MEFV: variants seen among roughly 807,000 people sequenced by gnomAD.
MEFV encodes pyrin.
MEFV carries 60 observed loss-of-function variants against 62.5 expected under a neutral mutation model. That is an observed-to-expected ratio of 0.96 (90% confidence interval 0.78 to 1.19). The LOEUF is 1.19. Ranked by LOEUF, MEFV falls within the 50% of genes most tolerant of loss-of-function variation. MEFV has a pLI of 0.00. For missense variants in MEFV, 1,169 were observed against 1,004.5 expected (o/e 1.16, Z -2.21); for synonymous variants, 500 against 415.2 (o/e 1.20, Z -2.48).
intron 3 of MEFV, 46 bp from the exon 4 acceptor site, chr16:3,249,050 A>G (rs1257730708): frequency 6.3e-7 from 1 of 1,587,046 alleles, no homozygotes; most frequent in Non-Finnish European, 8.6e-7. Context: ...GGCTCCTGCC[A>G]TCTTTAGCTG....
chr16:3,248,716 A>G (rs534352582), intron 4 of MEFV, 193 bp downstream of exon 4: 1 of 984,592 alleles, frequency 1.0e-6, no homozygotes, highest in East Asian at 1.1e-4. Flanking sequence ...CTCAGAGGTG[A>G]CCCCTGCCTG....
At chr16:3,243,929 G>T (rs1567231875) in intron 8 of MEFV, 37 bp from the exon 9 acceptor site, 1 of 1,612,536 alleles carries the variant, frequency 6.2e-7, no homozygotes. Flanking sequence ...AAAATCCTGA[G>T]CATTAGCATT....
chr16:3,248,724 C>T (rs1444814686), intron 4 of MEFV, 185 bp downstream of exon 4: 96 of 985,202 alleles, frequency 9.7e-5, no homozygotes, highest in Non-Finnish European at 1.1e-4. Flanking sequence ...TGACCCCTGC[C>T]TGCTGGGGGT....
intron 3 of MEFV, 125 bp from the exon 4 acceptor site, chr16:3,249,129 G>T: frequency 1.0e-6 from 1 of 973,426 alleles, no homozygotes; most frequent in Non-Finnish European, 1.6e-6. Flanking sequence ...AGCGGCATGG[G>T]GAGGGGTGCT....
rs534371432 is a variant in MEFV, at chr16:3,252,272, C to CTT, written c.910+1884_910+1885dup. Among the ~76,000 whole-genome samples, 541 of 130,720 alleles carry CTT rather than the reference C, an allele frequency of 4.1e-3. 6 individuals are homozygous for CTT. Among genetic ancestry groups the CTT allele is most frequent in the African/African-American group, 0.014 (510 of 35,464 alleles). The allele number at this position is 130,720 out of a possible 152,430, so 85.8% of individuals were successfully genotyped here. A position where few individuals can be genotyped will look rare whatever the true frequency, so the allele number is the denominator to read the frequency against. ...CTCAGGGGTCCCTGGACTCCCAATT[C>CTT]TTTTTTTTTTTTTTTTTTGAGACAG... On this transcript the variant is annotated intron_variant, in intron 2 of 9. Transcript: ENST00000219596.
intron 4 of MEFV, chr16:3,247,503 C>T (rs530141287): frequency 1.9e-5 from 10 of 531,500 alleles, no homozygotes; most frequent in African/African-American, 1.1e-4. Flanking sequence ...AAAATTTACA[C>T]GTTGAAGCCC....
In MEFV at chr16:3,247,266, G is replaced by C; in HGVS notation, c.1357-20C>G. 1 of 1,610,788 alleles carries C rather than the reference G, an allele frequency of 6.2e-7. No homozygotes were observed. The highest frequency in any genetic ancestry group is 8.5e-7 in the Non-Finnish European group (1 of 1,177,614). ...TTGTTTCTGGGGAGCAGAGGACAGG[G>C]AGGTATGGGGGTCTGTGCTGTGGGT... On this transcript the variant is annotated intron_variant, in intron 4 of 9. Coordinates refer to ENST00000219596, the MANE Select transcript of MEFV (RefSeq NM_000243.3).
chr16:3,247,110 T>C lies in MEFV; in HGVS notation c.1493A>G (p.Tyr498Cys). 6.2e-7 allele frequency: 1 copy of C among 1,614,164 alleles called. No homozygotes were observed. Among genetic ancestry groups the C allele is most frequent in the Non-Finnish European group, 8.5e-7 (1 of 1,180,022 alleles). ...GQMVGQIRKA[Y>C]DTRVSQDIAL... is the part of the protein sequence containing the mutation. ...GATGTCCTGGGATACGCGGGTGTCATATGCCTTCCTGATCTGCCCAACCAT... is the reference window on the plus strand; with the variant it reads ...GATGTCCTGGGATACGCGGGTGTCACATGCCTTCCTGATCTGCCCAACCAT... The change falls in exon 5 of 10, where the codon TAT (tyrosine) becomes TGT (cysteine). Residue 498 changes from tyrosine to cysteine, a missense_variant. Tyr to Cys is a radical substitution (Grantham distance 194). Coordinates refer to ENST00000219596, the MANE Select transcript of MEFV (RefSeq NM_000243.3).
Position 3,243,460 on chromosome 16 carries a change from CT to C in MEFV, c.2026del (p.Arg676GlyfsTer5). ...TGGCGACAGAGTCATGTTCCCTTTC[CT>C]GCTTATGGATGTCTTGCAGGCTCCC... ...ILGACKTSIS[R>X]KGNMTLSPEN... On this transcript the variant is annotated frameshift_variant, in exon 10 of 10. Transcript: ENST00000219596. LOFTEE classifies it low-confidence loss of function (END_TRUNC). The C allele has an allele frequency of 6.2e-7, 1 of 1,614,166 alleles. No individual in the cohort carries two copies. Among genetic ancestry groups the C allele is most frequent in the Non-Finnish European group, 8.5e-7 (1 of 1,180,034 alleles).
intron 1 of MEFV, among the ~76,000 whole-genome samples, chr16:3,255,171 G>T (rs994463895): frequency 1.3e-5 from 2 of 152,092 alleles, no homozygotes; most frequent in Admixed American, 1.3e-4. Context: ...AAGAAACTCA[G>T]CCAGACGCGG....
At chr16:3,246,893 G>C in intron 5 of MEFV, 123 bp downstream of exon 5, 2 of 964,430 alleles carry the variant, frequency 2.1e-6, no homozygotes, top group East Asian at 5.1e-5. Flanking sequence ...CCAAGACCAA[G>C]TCCTATCCTA....
At position 3,254,414 on chromosome 16, in the gene MEFV, C is replaced by T; in HGVS notation, c.654G>A (p.Gly218=). ...SSAGRLQGLA[G]GAPGQKECRP... ...TGCACTCCTTCTGCCCCGGGGCGCC[C>T]CCCGCCAGCCCCTGCAGCCTCCCCG... Residue 218 remains glycine, a synonymous_variant, in exon 2 of 10, where the codon GGG becomes GGA. Transcript: ENST00000219596. 2 of 1,612,670 alleles carry T rather than the reference C, an allele frequency of 1.2e-6. No homozygotes were observed. Among genetic ancestry groups the T allele is most frequent in the South Asian group, 2.2e-5 (2 of 91,080 alleles).
In MEFV at chr16:3,249,725, T is replaced by G; in HGVS notation, c.966A>C (p.Pro322=). ...SPRCHAQEGD[P]VDGTCVRDSC... ...AATCACGCACACAGGTACCGTCAAC[T>G]GGGTCTCCTTCCTGGGCGTGGCAGC... The change falls in exon 3 of 10, where the codon CCA becomes CCC. Residue 322 remains proline, a synonymous_variant. Transcript: ENST00000219596. 6.2e-7 allele frequency: 1 copy of G among 1,614,066 alleles called. No homozygotes were observed. The highest frequency in any genetic ancestry group is 8.5e-7 in the Non-Finnish European group (1 of 1,179,948).
intron 8 of MEFV, 40 bp downstream of exon 8, chr16:3,244,211 GCAA>G (rs1958904940): frequency 6.2e-7 from 1 of 1,613,420 alleles, no homozygotes; most frequent in East Asian, 2.2e-5. Context: ...AGGGAACACT[GCAA>G]CAACCCCAGG....
rs745839954 is a variant in MEFV at position 3,254,494 on chromosome 16, T to C, written c.574A>G (p.Arg192Gly). ...TCGGCCTGGCCCCCCTCTAGCGCCC[T>C]GCAGGGGCCGGGGCTTCTCCCGCCC... ...LPGGRSPGPC[R>G]ALEGGQAEVR... is the part of the protein sequence containing the mutation. Residue 192 changes from arginine (R) to glycine (G), a missense_variant, in exon 2 of 10, where the codon AGG (arginine) becomes GGG (glycine). Arg to Gly is a moderately radical substitution (Grantham distance 125). Transcript: ENST00000219596. 3.2e-6 allele frequency: 5 copies of C among 1,579,316 alleles called. No homozygotes were observed. The African/African-American group carries it at 6.8e-5, about 21-fold the overall frequency.
rs757543348 is a variant in MEFV, at chr16:3,254,761, C to G, written c.307G>C (p.Asp103His). ...EYSTQENGTD[D>H]SAASSSLGEN... ...CCCAGGGAGCTGGACGCTGCGGAAT[C>G]ATCTGTGCCGTTTTCTTGTGTGGAA... The change falls in exon 2 of 10, where the codon GAT (aspartate) becomes CAT (histidine). Residue 103 changes from aspartate (D) to histidine (H), a missense_variant. Coordinates refer to ENST00000219596, the MANE Select transcript of MEFV (RefSeq NM_000243.3). 3.1e-6 allele frequency: 5 copies of G among 1,612,588 alleles called. No homozygotes were observed. Among genetic ancestry groups the G allele is most frequent in the Non-Finnish European group, 4.2e-6 (5 of 1,180,040 alleles).
At position 3,243,316 on chromosome 16, in the gene MEFV, T is replaced by C. The variant is rs772802970; in HGVS notation, c.2171A>G (p.Tyr724Cys). The C allele has an allele frequency of 2.5e-6, 4 of 1,614,208 alleles. No individual in the cohort carries two copies. The highest frequency in any genetic ancestry group is 2.2e-5 in the East Asian group (1 of 44,882). The part of the protein sequence containing the change: ...PPKRVGIFVD[Y>C]RVGSISFYNV... ...GTAAAAGGAGATGCTTCCAACTCTG[T>C]AGTCCACGAAGATGCCCACACGCTT... Residue 724 changes from tyrosine (Y) to cysteine (C), a missense_variant, in exon 10 of 10, where the codon TAC becomes TGC. Transcript: ENST00000219596.
chr16:3,243,845 G>C lies in MEFV; in HGVS notation c.1792+15C>G. ...CCAGCAGGCCAGGGCCACTTGCCTT[G>C]ATCTGGGCACTTACCAGCATGTGCC... On this transcript the variant is annotated intron_variant, in intron 9 of 9. Transcript: ENST00000219596. 1 of 1,613,644 alleles carries C rather than the reference G, an allele frequency of 6.2e-7. No individual in the cohort carries two copies. Among genetic ancestry groups the C allele is most frequent in the Non-Finnish European group, 8.5e-7 (1 of 1,179,788 alleles).
rs752420742 is a variant in MEFV, at chr16:3,243,326, A to G, written c.2161T>C (p.Phe721Leu). 4 of 1,614,210 alleles carry G rather than the reference A, an allele frequency of 2.5e-6. No individual in the cohort carries two copies. The highest frequency in any genetic ancestry group is 3.4e-6 in the Non-Finnish European group (4 of 1,180,032). ...ATGCTTCCAACTCTGTAGTCCACGA[A>G]GATGCCCACACGCTTGGGAGGCTCC... Reference protein sequence around the residue: ...IKEPPKRVGIFVDYRVGSISF... With the variant: ...IKEPPKRVGILVDYRVGSISF... Residue 721 changes from phenylalanine (F) to leucine (L), a missense_variant, in exon 10 of 10, where the codon TTC becomes CTC. Phe to Leu is a conservative substitution (Grantham distance 22). Transcript: ENST00000219596.
Sources: gnomAD v4.1 joint callset for allele counts (sites outside exome capture counted in the v4.1 genomes callset) on GRCh38, gnomAD v4.1.1 for gene constraint, MANE v1.5 for transcripts, NCBI Gene and HGNC (gene_info 2026-07-23, HGNC 2026-07-21) for gene names.